CTCF: variants seen among roughly 807,000 people sequenced by gnomAD.
CTCF encodes transcriptional repressor CTCF.
In CTCF, 7 loss-of-function variants were observed where a neutral mutation model predicts 72.3. That is an observed-to-expected ratio of 0.10 (90% CI 0.06 to 0.18). The LOEUF (loss-of-function observed/expected upper bound fraction) is 0.18. Among genes scored for constraint, CTCF ranks in the 10% least tolerant of loss-of-function variants. The pLI is 1.00. For missense variants in CTCF, 516 were observed against 949.1 expected (o/e 0.54, Z 6.00); for synonymous variants, 374 against 315.8 (o/e 1.18, Z -1.95).
At chr16:67,635,553 G>A (rs908732091) in intron 10 of CTCF, 1 of 151,454 alleles carries the variant, frequency 6.6e-6, no homozygotes, top group East Asian at 2.0e-4. Flanking sequence ...TGCAGTGGCG[G>A]ATCTCAGCTC....
intron 2 of CTCF, among the ~76,000 whole-genome samples, chr16:67,604,250 A>T (rs2051939190): frequency 6.6e-6 from 1 of 152,134 alleles, no homozygotes. Context: ...TGGAGGTTAC[A>T]GTGAGCTGTG....
chr16:67,566,601 G>C (rs2051346402), intron 1 of CTCF, among the ~76,000 whole-genome samples: 2 of 151,214 alleles, frequency 1.3e-5, no homozygotes, highest in South Asian at 4.2e-4. Flanking sequence ...TTTGGAGATG[G>C]AGTCTCGCTT....
At chr16:67,609,060 C>T (rs1043252944) in intron 2 of CTCF, among the ~76,000 whole-genome samples, 5 of 151,998 alleles carry the variant, frequency 3.3e-5, no homozygotes, top group Non-Finnish European at 7.4e-5. Flanking sequence ...CTTAATAAAG[C>T]TTTTTACAAA....
intron 2 of CTCF, among the ~76,000 whole-genome samples, chr16:67,577,500 C>T (rs1199060579): frequency 6.7e-6 from 1 of 148,654 alleles, no homozygotes; most frequent in Non-Finnish European, 1.5e-5. Flanking sequence ...TGCAGTGGTG[C>T]GATATTGGCT....
chr16:67,598,991 G>GA (rs753332519), intron 2 of CTCF, among the ~76,000 whole-genome samples: 26 of 152,156 alleles, frequency 1.7e-4, no homozygotes, highest in Non-Finnish European at 1.5e-4. Flanking sequence ...AGCGTGGTAG[G>GA]AAAAAAGAGA....
At chr16:67,624,728 A>G (rs2052260202) in intron 7 of CTCF, among the ~76,000 whole-genome samples, 1 of 151,386 alleles carries the variant, frequency 6.6e-6, no homozygotes, top group Non-Finnish European at 1.5e-5. Flanking sequence ...AGCTAGGACC[A>G]CAGGCACATG....
intron 2 of CTCF, among the ~76,000 whole-genome samples, chr16:67,588,093 G>A (rs1468713388): frequency 6.6e-6 from 1 of 152,014 alleles, no homozygotes; most frequent in African/African-American, 2.4e-5. Flanking sequence ...CCTGACCTCA[G>A]GTGATTCACC....
intron 2 of CTCF, among the ~76,000 whole-genome samples, chr16:67,578,325 C>CTTTT (rs944395345): frequency 4.1e-4 from 35 of 84,476 alleles, no homozygotes; most frequent in African/African-American, 8.1e-4. Context: ...GTTTATGTAT[C>CTTTT]TTTTTTTTTT....
chr16:67,619,456 C>G (rs1264771040), intron 5 of CTCF, among the ~76,000 whole-genome samples: 1 of 152,104 alleles, frequency 6.6e-6, no homozygotes, highest in African/African-American at 2.4e-5. Context: ...AAAAAAAACT[C>G]AGAGACATTT....
At chr16:67,572,654 T>C (rs1166619583) in intron 2 of CTCF, 1 of 152,128 alleles carries the variant, frequency 6.6e-6, no homozygotes, top group African/African-American at 2.4e-5. Context: ...ACCCAGTACA[T>C]TGGAAGGCCA....
At chr16:67,582,470 A>G (rs988612892) in intron 2 of CTCF, among the ~76,000 whole-genome samples, 1 of 152,096 alleles carries the variant, frequency 6.6e-6, no homozygotes, top group African/African-American at 2.4e-5. Flanking sequence ...AGGCGAACGG[A>G]TCGCTTGAGT....
intron 2 of CTCF, among the ~76,000 whole-genome samples, chr16:67,601,247 TG>T (rs2051883241): frequency 6.8e-6 from 1 of 147,534 alleles, no homozygotes; most frequent in African/African-American, 2.5e-5. Context: ...TGTGTGTGTG[TG>T]TGTGTGTTTT....
At chr16:67,574,167 C>G (rs1465869376) in intron 2 of CTCF, among the ~76,000 whole-genome samples, 1 of 152,074 alleles carries the variant, frequency 6.6e-6, no homozygotes, top group Non-Finnish European at 1.5e-5. Context: ...GGGTTCAGTC[C>G]CATAAGACCA....
intron 7 of CTCF, among the ~76,000 whole-genome samples, chr16:67,625,772 A>G (rs1438340539): frequency 2.0e-5 from 3 of 152,014 alleles, no homozygotes; most frequent in Non-Finnish European, 4.4e-5. Context: ...CAGCATGTCT[A>G]AAACTGAAGG....
chr16:67,585,009 A>C (rs1487432362), intron 2 of CTCF, among the ~76,000 whole-genome samples: 2 of 152,178 alleles, frequency 1.3e-5, no homozygotes, highest in Non-Finnish European at 2.9e-5. Flanking sequence ...GCTGTACATT[A>C]ATTGCTCTTG....
At chr16:67,586,256 G>A (rs1025690559) in intron 2 of CTCF, among the ~76,000 whole-genome samples, 2 of 152,062 alleles carry the variant, frequency 1.3e-5, no homozygotes, top group Non-Finnish European at 2.9e-5. Context: ...AAAAAATTAG[G>A]CCAGGCGTGG....
At chr16:67,566,214 G>T (rs2051341282) in intron 1 of CTCF, among the ~76,000 whole-genome samples, 1 of 152,034 alleles carries the variant, frequency 6.6e-6, no homozygotes, top group African/African-American at 2.4e-5. Flanking sequence ...CAATTGATGT[G>T]ATTTGTAGGT....
chr16:67,593,047 T>TA (rs2051766926), intron 2 of CTCF, among the ~76,000 whole-genome samples: 1 of 149,168 alleles, frequency 6.7e-6, no homozygotes, highest in Non-Finnish European at 1.5e-5. Flanking sequence ...TTTATATATA[T>TA]ATGTATAAAT....
chr16:67,602,259 T>C (rs1202294511), intron 2 of CTCF, among the ~76,000 whole-genome samples: 1 of 152,176 alleles, frequency 6.6e-6, no homozygotes, highest in African/African-American at 2.4e-5. Flanking sequence ...AGCATCAAAT[T>C]ATATGCTACA....
Sources: gnomAD v4.1 joint callset for allele counts (sites outside exome capture counted in the v4.1 genomes callset) on GRCh38, gnomAD v4.1.1 for gene constraint, MANE v1.5 for transcripts, NCBI Gene and HGNC (gene_info 2026-07-23, HGNC 2026-07-21) for gene names.